The following KCTD16 variants were observed in gnomAD, a reference collection of about 807,000 sequenced individuals.
KCTD16 encodes BTB/POZ domain-containing protein KCTD16.
In KCTD16, 13 loss-of-function variants were observed where a neutral mutation model predicts 33.2. That is an observed-to-expected ratio of 0.39 (90% CI 0.25 to 0.62). KCTD16 has a LOEUF of 0.62. Among genes scored for constraint, KCTD16 ranks in the 20% least tolerant of loss-of-function variants. The pLI, the probability that KCTD16 is intolerant of heterozygous loss-of-function variation, is 0.50. For missense variants in KCTD16, 441 were observed against 525.1 expected (o/e 0.84, Z 1.57); for synonymous variants, 197 against 195.3 (o/e 1.01, Z -0.07).
chr5:144,437,306 C>A (rs758794076), intron 3 of KCTD16, among the ~76,000 whole-genome samples: 1 of 152,130 alleles, frequency 6.6e-6, no homozygotes, highest in Non-Finnish European at 1.5e-5. Flanking sequence ...TCCCATTGGG[C>A]CTCTACAATG....
intron 2 of KCTD16, among the ~76,000 whole-genome samples, chr5:144,187,435 CACACACACACATAT>C (rs1219538381): frequency 2.6e-5 from 4 of 152,032 alleles, no homozygotes; most frequent in African/African-American, 7.2e-5. Context: ...CACACACACA[CACACACACACATAT>C]ACACACACAC....
At chr5:144,287,790 C>G (rs543602990) in intron 3 of KCTD16, among the ~76,000 whole-genome samples, 1 of 151,982 alleles carries the variant, frequency 6.6e-6, no homozygotes, top group Admixed American at 6.6e-5. Context: ...CTCGCACGAC[C>G]TCATCTGGCT....
At chr5:144,217,651 C>T (rs760563540) in intron 3 of KCTD16, among the ~76,000 whole-genome samples, 2 of 152,040 alleles carry the variant, frequency 1.3e-5, no homozygotes, top group Middle Eastern at 3.2e-3. Context: ...TAGGCCTGTT[C>T]AGTTAAAATG....
intron 3 of KCTD16, among the ~76,000 whole-genome samples, chr5:144,466,949 CTATATATATTATATATATTATATATAA>C (rs1561618866): frequency 7.5e-6 from 1 of 133,088 alleles, no homozygotes; most frequent in Non-Finnish European, 1.6e-5. Flanking sequence ...TTAACCGTTA[CTATATATATTATATATATTATATATAA>C]TATATATAAC....
rs1053272501 is a variant in KCTD16, at chr5:144,206,457, C to T, written c.-258C>T. On this transcript the variant is annotated 5_prime_UTR_variant, in exon 3 of 4. In the 5' UTR this introduces an upstream ATG that the reference lacks. Coordinates refer to ENST00000512467, the MANE Select transcript of KCTD16 (RefSeq NM_020768.4). ...AGCTTGATGGAAGATTGGATATAGACGAGTTGATTATATTTTATGAAGTAG... is the reference window on the plus strand; with the variant it reads ...AGCTTGATGGAAGATTGGATATAGATGAGTTGATTATATTTTATGAAGTAG... 11 of 404,642 alleles carry T rather than the reference C, an allele frequency of 2.7e-5. No homozygotes were observed. Among genetic ancestry groups the T allele is most frequent in the South Asian group, 7.1e-5 (1 of 14,120 alleles). The allele number at this position is 404,642 out of a possible 1,614,324, so 25.1% of individuals were successfully genotyped here.
chr5:144,429,186 A>G (rs958584763), intron 3 of KCTD16, among the ~76,000 whole-genome samples: 1 of 152,118 alleles, frequency 6.6e-6, no homozygotes, highest in Non-Finnish European at 1.5e-5. Flanking sequence ...GTAAATCTTT[A>G]TCAAGCACTG....
At chr5:144,230,590 G>C (rs1754072933) in intron 3 of KCTD16, among the ~76,000 whole-genome samples, 1 of 151,612 alleles carries the variant, frequency 6.6e-6, no homozygotes. Context: ...GTGTAAATAG[G>C]AAAAGTTTTT....
chr5:144,390,059 A>G (rs1752414913), intron 3 of KCTD16, among the ~76,000 whole-genome samples: 1 of 152,208 alleles, frequency 6.6e-6, no homozygotes, highest in South Asian at 2.1e-4. Context: ...TTCTTTTATC[A>G]AGACTAATGA....
chr5:144,199,203 T>C (rs17101705), intron 2 of KCTD16, among the ~76,000 whole-genome samples: 32,494 of 152,152 alleles, frequency 0.21, 3,680 homozygotes, highest in East Asian at 0.4. Flanking sequence ...TTGCATATTA[T>C]GGAATGACAA....
rs143788351 is a variant in KCTD16 at position 144,477,494 on chromosome 5, A to G, written c.*3380A>G. On this transcript the variant is annotated 3_prime_UTR_variant, in exon 4 of 4. Transcript: ENST00000512467. Reference sequence around the variant, plus strand: ...TTGACATGGAATTTTTCTCTTTTCAATTAGCCTTGTTAGATTCAGAGGAAT... The same window carrying G: ...TTGACATGGAATTTTTCTCTTTTCAGTTAGCCTTGTTAGATTCAGAGGAAT... 18 of 152,214 alleles carry G rather than the reference A, an allele frequency of 1.2e-4. No homozygotes were observed. In the East Asian group the frequency reaches 1.7e-3, roughly 15 times the overall value. 9.4% of individuals were successfully genotyped at this position (152,214 alleles called of 1,614,324 possible).
In KCTD16 at chr5:144,277,568, C is replaced by T. The variant is rs546455491; in HGVS notation, c.832+70022C>T. 4.4e-4 allele frequency among the ~76,000 whole-genome samples: 67 copies of T among 152,332 alleles called. No individual in the cohort carries two copies. The Middle Eastern group carries it at 0.01, about 23-fold the overall frequency. On this transcript the variant is annotated intron_variant, in intron 3 of 3. Coordinates refer to ENST00000512467, the MANE Select transcript of KCTD16 (RefSeq NM_020768.4). ...ATCCTGCCCAAATCACTTAGCAAGA[C>T]AGTGGCAGGGCCAGCATTATCAATG...
chr5:144,350,000 A>G (rs2126906839), intron 3 of KCTD16, among the ~76,000 whole-genome samples: 1 of 152,342 alleles, frequency 6.6e-6, no homozygotes, highest in Middle Eastern at 3.4e-3. Context: ...CAGAATGCCA[A>G]ATTCTGCACA....
chr5:144,207,238 C>T lies in KCTD16; in HGVS notation c.524C>T (p.Thr175Ile). 6.2e-7 allele frequency: 1 copy of T among 1,614,122 alleles called. No homozygotes were observed. Among genetic ancestry groups the T allele is most frequent in the Non-Finnish European group, 8.5e-7 (1 of 1,180,028 alleles). Residue 175 changes from threonine to isoleucine, a missense_variant, in exon 3 of 4, where the codon ACC becomes ATC. By Grantham distance (89) the Thr-to-Ile change is moderately conservative. Around this residue, in one of 3 missense-constraint regions of KCTD16, gnomAD observed 355 missense variants for 413.0 expected, o/e 0.86. Coordinates refer to ENST00000512467, the MANE Select transcript of KCTD16 (RefSeq NM_020768.4). Reference protein sequence around the residue: ...FITVGYRGSCTLGREGQADAK... With the variant: ...FITVGYRGSCILGREGQADAK... ...ACTGTGGGTTACAGAGGATCCTGCACCTTGGGCAGAGAGGGACAGGCAGAT... is the reference window on the plus strand; with the variant it reads ...ACTGTGGGTTACAGAGGATCCTGCATCTTGGGCAGAGAGGGACAGGCAGAT...
At chr5:144,184,027 C>G (rs573318563) in intron 2 of KCTD16, among the ~76,000 whole-genome samples, 1 of 152,252 alleles carries the variant, frequency 6.6e-6, no homozygotes, top group Admixed American at 6.5e-5. Flanking sequence ...TTAGTACCAG[C>G]TTAATCAGGT....
At chr5:144,304,004 C>A (rs1476060000) in intron 3 of KCTD16, among the ~76,000 whole-genome samples, 1 of 152,146 alleles carries the variant, frequency 6.6e-6, no homozygotes, top group Non-Finnish European at 1.5e-5. Context: ...CCCATAATTG[C>A]CATTTTACCA....
intron 3 of KCTD16, among the ~76,000 whole-genome samples, chr5:144,289,091 C>G (rs1291660813): frequency 6.6e-6 from 1 of 152,074 alleles, no homozygotes; most frequent in Non-Finnish European, 1.5e-5. Flanking sequence ...GGAATGGGAT[C>G]CTTAAAAAGG....
chr5:144,192,259 T>G (rs992361504), intron 2 of KCTD16, among the ~76,000 whole-genome samples: 3 of 152,214 alleles, frequency 2.0e-5, no homozygotes, highest in Non-Finnish European at 4.4e-5. Flanking sequence ...TACTCTAGAT[T>G]GTTAATCCTG....
At chr5:144,251,431 G>A (rs1485095216) in intron 3 of KCTD16, among the ~76,000 whole-genome samples, 2 of 152,138 alleles carry the variant, frequency 1.3e-5, no homozygotes, top group Non-Finnish European at 2.9e-5. Flanking sequence ...ATATTCATTA[G>A]TAGCTGAAAG....
chr5:144,199,045 A>G (rs1295884501), intron 2 of KCTD16, among the ~76,000 whole-genome samples: 2 of 152,204 alleles, frequency 1.3e-5, no homozygotes, highest in East Asian at 1.9e-4. Flanking sequence ...CCATTTACAC[A>G]TATATAAAAC....
Sources: gnomAD v4.1 joint callset for allele counts (sites outside exome capture counted in the v4.1 genomes callset) on GRCh38, gnomAD v4.1.1 for gene constraint, gnomAD v4.1.1 regional missense constraint, MANE v1.5 for transcripts, NCBI Gene and HGNC (gene_info 2026-07-23, HGNC 2026-07-21) for gene names.